CFAP96: variants seen among roughly 807,000 people sequenced by gnomAD.
CFAP96 encodes cilia-and flagella-associated protein 96.
At chr4:185,410,377 C>T in the CFAP96 span, among the ~76,000 whole-genome samples, 7 of 152,302 alleles carry the variant, frequency 4.6e-5, no homozygotes, top group South Asian at 1.0e-3. Context: ...TGTCCAGGCA[C>T]GGTGGCTCAT....
chr4:185,422,612 C>T, the CFAP96 span: 1 of 1,237,666 alleles, frequency 8.1e-7, no homozygotes, highest in Non-Finnish European at 1.1e-6. Flanking sequence ...ACAAAACAAA[C>T]TCATATTCAT....
chr4:185,449,669 A>T, the CFAP96 span: 8 of 1,477,222 alleles, frequency 5.4e-6, no homozygotes, highest in Non-Finnish European at 7.3e-6. Flanking sequence ...GTAGCTTTCT[A>T]GATCTTAACT....
chr4:185,432,281 C>G, the CFAP96 span: 1 of 1,068,936 alleles, frequency 9.4e-7, no homozygotes, highest in Non-Finnish European at 1.3e-6. Context: ...TTCTGTAGGA[C>G]TTACTTATGT....
At chr4:185,415,733 A>G in the CFAP96 span, 1 of 1,610,600 alleles carries the variant, frequency 6.2e-7, no homozygotes, top group South Asian at 1.1e-5. Context: ...CTTCTGGAGC[A>G]ACAGATATAA....
At chr4:185,443,342 A>ATATTTTTT in the CFAP96 span, among the ~76,000 whole-genome samples, 18 of 26,726 alleles carry the variant, frequency 6.7e-4, no homozygotes, top group East Asian at 2.9e-3. Flanking sequence ...ATATATATAT[A>ATATTTTTT]TTTTTTTTTT....
At chr4:185,437,360 A>G in the CFAP96 span, among the ~76,000 whole-genome samples, 934 of 152,374 alleles carry the variant, frequency 6.1e-3, 15 homozygotes, top group South Asian at 0.055. Context: ...TTAGAACCAT[A>G]TGAACATAAT....
At chr4:185,438,890 A>G in the CFAP96 span, among the ~76,000 whole-genome samples, 1 of 152,156 alleles carries the variant, frequency 6.6e-6, no homozygotes, top group Admixed American at 6.5e-5. Flanking sequence ...GGCAACCACC[A>G]CAATTCCCAG....
At chr4:185,444,134 T>C in the CFAP96 span, among the ~76,000 whole-genome samples, 1 of 150,328 alleles carries the variant, frequency 6.7e-6, no homozygotes, top group Admixed American at 6.6e-5. Flanking sequence ...TTTGTATTTT[T>C]AGTAGAGACG....
chr4:185,443,833 C>T, the CFAP96 span, among the ~76,000 whole-genome samples: 1 of 148,560 alleles, frequency 6.7e-6, no homozygotes, highest in Non-Finnish European at 1.5e-5. Flanking sequence ...TTTATTTAAA[C>T]TTTCTTAAGT....
the CFAP96 span, among the ~76,000 whole-genome samples, chr4:185,419,484 G>A: frequency 6.6e-6 from 1 of 152,134 alleles, no homozygotes. Flanking sequence ...TGGGGGTGCT[G>A]GAACACAATA....
chr4:185,410,198 T>G, the CFAP96 span, among the ~76,000 whole-genome samples: 1 of 151,664 alleles, frequency 6.6e-6, no homozygotes, highest in Non-Finnish European at 1.5e-5. Context: ...TATTTGGACA[T>G]TAACAAACAC....
chr4:185,434,907 G>GT, the CFAP96 span, among the ~76,000 whole-genome samples: 10 of 152,118 alleles, frequency 6.6e-5, 1 homozygote, highest in South Asian at 2.1e-3. Context: ...CGCCCGGCTA[G>GT]TTTTTTGTGT....
chr4:185,439,257 C>G, the CFAP96 span, among the ~76,000 whole-genome samples: 1 of 151,928 alleles, frequency 6.6e-6, no homozygotes. Context: ...GGAACACTGT[C>G]CAAAAAGATC....
At chr4:185,408,699 C>A in the CFAP96 span, among the ~76,000 whole-genome samples, 1 of 152,148 alleles carries the variant, frequency 6.6e-6, no homozygotes, top group Non-Finnish European at 1.5e-5. Context: ...CTATTGCTCC[C>A]TCTACTTTCG....
At chr4:185,422,059 T>C in the CFAP96 span, among the ~76,000 whole-genome samples, 1 of 152,228 alleles carries the variant, frequency 6.6e-6, no homozygotes, top group African/African-American at 2.4e-5. Flanking sequence ...CTGCTTCATA[T>C]AAACCCTGTT....
the CFAP96 span, chr4:185,413,982 GT>G: frequency 2.1e-6 from 2 of 965,954 alleles, no homozygotes; most frequent in Non-Finnish European, 2.9e-6. Flanking sequence ...GGTTATAAAA[GT>G]TTCCAAACAC....
At chr4:185,426,376 G>A in the CFAP96 span, 1 of 154,666 alleles carries the variant, frequency 6.5e-6, no homozygotes, top group African/African-American at 2.4e-5. Context: ...TCGGCTGTCG[G>A]AGTGGGTGTC....
At chr4:185,436,437 C>A in the CFAP96 span, 2 of 1,050,152 alleles carry the variant, frequency 1.9e-6, no homozygotes, top group Non-Finnish European at 2.8e-6. Flanking sequence ...TGAGGCCGGG[C>A]ACGGTGGCTC....
chr4:185,414,317 TAC>T, the CFAP96 span, among the ~76,000 whole-genome samples: 1 of 152,238 alleles, frequency 6.6e-6, no homozygotes, highest in Non-Finnish European at 1.5e-5. Flanking sequence ...GTGATTAAAC[TAC>T]AGAGTAGAAG....
Sources: allele counts gnomAD v4.1 joint callset (sites outside exome capture counted in the v4.1 genomes callset), GRCh38; gene constraint gnomAD v4.1.1; transcripts MANE v1.5; gene names NCBI Gene and HGNC (gene_info 2026-07-23, HGNC 2026-07-21).